Variants in ADAMTSL1 observed in about 807,000 individuals in gnomAD.
The protein encoded by ADAMTSL1 is ADAMTS like 1, also known as ADAMTS-like protein 1.
Under a neutral mutation model 201.8 loss-of-function variants are expected in ADAMTSL1, and 126 were observed. The ratio of observed to expected loss-of-function variants is 0.62; its 90% CI spans 0.54 to 0.72. ADAMTSL1 has a LOEUF of 0.72. ADAMTSL1 is among the 30% of genes least tolerant of loss of function. ADAMTSL1 has a pLI of 0.00. For synonymous variants in ADAMTSL1, 1,121 were observed against 903.4 expected (o/e 1.24, Z -4.32); for missense variants, 2,679 against 2,277.8 (o/e 1.18, Z -3.59).
intron 25 of ADAMTSL1, 74 bp from the exon 26 acceptor site, chr9:18,892,315 T>C: frequency 2.1e-5 from 30 of 1,446,774 alleles, no homozygotes; most frequent in Non-Finnish European, 2.8e-5. Context: ...AGCAGGGATG[T>C]CGGTGGGGAG....
At chr9:18,543,021 C>G (rs914671832) in intron 3 of ADAMTSL1, among the ~76,000 whole-genome samples, 2 of 152,158 alleles carry the variant, frequency 1.3e-5, no homozygotes, top group Non-Finnish European at 2.9e-5. Context: ...AACAGACTTT[C>G]TATACAATGC....
intron 1 of ADAMTSL1, among the ~76,000 whole-genome samples, chr9:17,946,513 T>A (rs1003816175): frequency 2.0e-5 from 3 of 152,158 alleles, no homozygotes; most frequent in Non-Finnish European, 4.4e-5. Context: ...CTCTTTATGA[T>A]CTTTTTTATG....
At chr9:18,385,182 A>G (rs183105631) in intron 2 of ADAMTSL1, among the ~76,000 whole-genome samples, 1 of 152,250 alleles carries the variant, frequency 6.6e-6, no homozygotes, top group Admixed American at 6.5e-5. Flanking sequence ...CTTTTACCCA[A>G]CATAGAAAAT....
chr9:18,651,323 T>A (rs559238850), intron 7 of ADAMTSL1: 8 of 152,144 alleles, frequency 5.3e-5, no homozygotes, highest in Non-Finnish European at 1.0e-4. Context: ...GGTAGAAGAG[T>A]CCTCCTTAGT....
At chr9:18,114,737 T>A (rs1338502919) in intron 1 of ADAMTSL1, among the ~76,000 whole-genome samples, 1 of 152,096 alleles carries the variant, frequency 6.6e-6, no homozygotes, top group Non-Finnish European at 1.5e-5. Flanking sequence ...ACAAGAAACA[T>A]GTGGGAGAAA....
At chr9:17,915,843 G>C (rs961330424) in intron 1 of ADAMTSL1, among the ~76,000 whole-genome samples, 8 of 151,986 alleles carry the variant, frequency 5.3e-5, no homozygotes, top group Non-Finnish European at 1.0e-4. Flanking sequence ...CATCTTCTTT[G>C]GTAAAATTTC....
At chr9:18,841,084 G>C (rs1825686270) in intron 23 of ADAMTSL1, among the ~76,000 whole-genome samples, 1 of 149,684 alleles carries the variant, frequency 6.7e-6, no homozygotes, top group Non-Finnish European at 1.5e-5. Context: ...TTGAATAGGA[G>C]TGGTGAGAGA....
At chr9:17,959,568 C>T (rs1278914353) in intron 1 of ADAMTSL1, among the ~76,000 whole-genome samples, 1 of 152,096 alleles carries the variant, frequency 6.6e-6, no homozygotes, top group Non-Finnish European at 1.5e-5. Flanking sequence ...AAGTGATTCT[C>T]CTGCCTCAGC....
intron 1 of ADAMTSL1, among the ~76,000 whole-genome samples, chr9:18,478,670 C>T (rs1481233095): frequency 6.6e-6 from 1 of 152,132 alleles, no homozygotes; most frequent in Non-Finnish European, 1.5e-5. Context: ...TCTACTGTTT[C>T]TGTGGTCTCA....
intron 4 of ADAMTSL1, among the ~76,000 whole-genome samples, chr9:18,614,519 A>T (rs899605492): frequency 6.6e-6 from 1 of 152,212 alleles, no homozygotes; most frequent in South Asian, 2.1e-4. Flanking sequence ...GAAGCTATGT[A>T]TCTAAAAATA....
intron 2 of ADAMTSL1, among the ~76,000 whole-genome samples, chr9:18,309,940 C>T (rs1834055518): frequency 6.6e-6 from 1 of 152,102 alleles, no homozygotes; most frequent in South Asian, 2.1e-4. Flanking sequence ...TCAAACTATA[C>T]TACAAGGCTA....
At chr9:18,309,087 C>G (rs1834018399) in intron 2 of ADAMTSL1, among the ~76,000 whole-genome samples, 2 of 152,154 alleles carry the variant, frequency 1.3e-5, no homozygotes, top group African/African-American at 4.8e-5. Context: ...ACAAAAACCA[C>G]ATGATTATCT....
At chr9:18,634,580 C>T (rs1261597615) in intron 5 of ADAMTSL1, among the ~76,000 whole-genome samples, 3 of 150,844 alleles carry the variant, frequency 2.0e-5, no homozygotes, top group African/African-American at 7.3e-5. Flanking sequence ...TGGCTCACGC[C>T]TGTAATCCCA....
intron 2 of ADAMTSL1, among the ~76,000 whole-genome samples, chr9:18,304,381 C>T (rs968140612): frequency 2.0e-4 from 31 of 151,960 alleles, no homozygotes; most frequent in African/African-American, 7.5e-4. Flanking sequence ...CTTGTGAGCT[C>T]CTGGGTGTCG....
chr9:18,056,662 G>T (rs949060034), intron 1 of ADAMTSL1, among the ~76,000 whole-genome samples: 2 of 152,286 alleles, frequency 1.3e-5, no homozygotes, highest in East Asian at 3.9e-4. Context: ...AGCATTCAGA[G>T]CATGGTAACT....
At chr9:18,244,369 C>T (rs1831180169) in intron 2 of ADAMTSL1, among the ~76,000 whole-genome samples, 1 of 152,014 alleles carries the variant, frequency 6.6e-6, no homozygotes, top group Admixed American at 6.6e-5. Flanking sequence ...TCTGATGGCT[C>T]AAAATTGTCT....
intron 1 of ADAMTSL1, among the ~76,000 whole-genome samples, chr9:18,029,532 C>T (rs983127057): frequency 6.6e-6 from 1 of 152,074 alleles, no homozygotes; most frequent in African/African-American, 2.4e-5. Context: ...GCAACAAAAG[C>T]CAGAATTGAC....
chr9:18,097,473 A>G (rs1824302110), intron 1 of ADAMTSL1, among the ~76,000 whole-genome samples: 1 of 152,174 alleles, frequency 6.6e-6, no homozygotes. Context: ...CGTATATTTA[A>G]TTTTATAAGA....
At chr9:18,894,965 G>A (rs1588332478) in intron 26 of ADAMTSL1, among the ~76,000 whole-genome samples, 1 of 152,084 alleles carries the variant, frequency 6.6e-6, no homozygotes, top group Admixed American at 6.5e-5. Flanking sequence ...CAGAAGGAAG[G>A]AAGTCAATGG....
Sources: allele counts gnomAD v4.1 joint callset (sites outside exome capture counted in the v4.1 genomes callset), GRCh38; gene constraint gnomAD v4.1.1; transcripts MANE v1.5; gene names NCBI Gene and HGNC (gene_info 2026-07-23, HGNC 2026-07-21).